The following CNTN4 variants were observed in gnomAD, a reference collection of about 807,000 sequenced individuals.
CNTN4 encodes contactin-4.
In CNTN4, 77 loss-of-function variants were observed where a neutral mutation model predicts 122.5. The observed-to-expected ratio is 0.63, with a 90% confidence interval of 0.52 to 0.76. CNTN4 has a LOEUF of 0.76. CNTN4 is among the 30% of genes least tolerant of loss of function. CNTN4 has a pLI of 0.00. For missense variants in CNTN4, 1,256 were observed against 1,259.1 expected (o/e 1.00, Z 0.04); for synonymous variants, 512 against 447.0 (o/e 1.15, Z -1.83).
At position 2,589,107 on chromosome 3, in the gene CNTN4, T is replaced by C. The variant is rs370911928; in HGVS notation, c.55+17549T>C. Among the ~76,000 whole-genome samples the C allele has an allele frequency of 3.0e-4, 46 of 152,116 alleles. 4 individuals are homozygous for C. The highest frequency in any genetic ancestry group is 1.8e-3 in the Admixed American group (28 of 15,272). ...CCATAATAGCATGCAATGAGTGACATAAAGGGGCCAGATTAACCCCTGAAC... is the reference window on the plus strand; with the variant it reads ...CCATAATAGCATGCAATGAGTGACACAAAGGGGCCAGATTAACCCCTGAAC... On this transcript the variant is annotated intron_variant, in intron 4 of 24. Transcript: ENST00000418658.
At chr3:2,192,588 A>G (rs1006433020) in intron 2 of CNTN4, among the ~76,000 whole-genome samples, 3 of 151,824 alleles carry the variant, frequency 2.0e-5, no homozygotes, top group Non-Finnish European at 4.4e-5. Context: ...ACAAATTTAC[A>G]AGAAAAAAAC....
chr3:2,715,734 T>C (rs2087453085), intron 4 of CNTN4, among the ~76,000 whole-genome samples: 1 of 152,214 alleles, frequency 6.6e-6, no homozygotes, highest in Admixed American at 6.5e-5. Flanking sequence ...AGATGCCTTT[T>C]TGCCGTGTCC....
At chr3:2,233,116 T>TA (rs5846173) in intron 2 of CNTN4, among the ~76,000 whole-genome samples, 116,836 of 151,972 alleles carry the variant, frequency 0.77, 45,034 homozygotes, top group African/African-American at 0.82. Context: ...ATTTTTAAAC[T>TA]AATGGGGGTC....
chr3:2,982,973 T>C (rs971797420), intron 13 of CNTN4, among the ~76,000 whole-genome samples: 1 of 151,718 alleles, frequency 6.6e-6, no homozygotes, highest in Non-Finnish European at 1.5e-5. Context: ...CCCAGCACTT[T>C]GGGAGGCGAG....
chr3:2,528,036 G>A (rs1041708324), intron 3 of CNTN4, among the ~76,000 whole-genome samples: 57 of 152,106 alleles, frequency 3.7e-4, no homozygotes, highest in African/African-American at 1.3e-3. Context: ...AAAACAATCA[G>A]TGTACTTTCA....
chr3:2,398,214 A>G (rs962385998), intron 3 of CNTN4, among the ~76,000 whole-genome samples: 8 of 152,282 alleles, frequency 5.3e-5, no homozygotes, highest in African/African-American at 1.7e-4. Flanking sequence ...TGCTTAAAGA[A>G]TAGGATTTAT....
chr3:2,193,992 A>G (rs1393863789), intron 2 of CNTN4, among the ~76,000 whole-genome samples: 2 of 152,130 alleles, frequency 1.3e-5, no homozygotes, highest in Non-Finnish European at 2.9e-5. Context: ...ATTTCTCAAA[A>G]CACATCCTTG....
At chr3:2,415,462 G>T (rs1351899126) in intron 3 of CNTN4, among the ~76,000 whole-genome samples, 2 of 152,140 alleles carry the variant, frequency 1.3e-5, no homozygotes, top group Non-Finnish European at 1.5e-5. Flanking sequence ...ACCAGGTGTG[G>T]GCAATTGTTG....
At chr3:2,788,125 A>G (rs73807945) in intron 6 of CNTN4, among the ~76,000 whole-genome samples, 2 of 152,312 alleles carry the variant, frequency 1.3e-5, no homozygotes, top group South Asian at 4.1e-4. Flanking sequence ...TAACAACTAT[A>G]TACCATCACA....
At chr3:2,432,975 GTTTT>G (rs1478749487) in intron 3 of CNTN4, among the ~76,000 whole-genome samples, 2 of 150,716 alleles carry the variant, frequency 1.3e-5, no homozygotes, top group African/African-American at 2.4e-5. Flanking sequence ...CAGCTCATTT[GTTTT>G]TTTGTTTGTT....
At chr3:2,879,584 C>T (rs982531953) in intron 8 of CNTN4, among the ~76,000 whole-genome samples, 7 of 152,100 alleles carry the variant, frequency 4.6e-5, no homozygotes, top group Non-Finnish European at 8.8e-5. Context: ...TGAAAGGAGC[C>T]AGGCACAAAA....
intron 3 of CNTN4, among the ~76,000 whole-genome samples, chr3:2,539,143 G>T (rs2077931988): frequency 6.6e-6 from 1 of 151,962 alleles, no homozygotes; most frequent in Non-Finnish European, 1.5e-5. Flanking sequence ...TTTTCATAAG[G>T]ATTTTCCATA....
At chr3:2,174,282 C>T (rs1415413888) in intron 2 of CNTN4, among the ~76,000 whole-genome samples, 1 of 152,160 alleles carries the variant, frequency 6.6e-6, no homozygotes, top group African/African-American at 2.4e-5. Context: ...TATAAGAAAA[C>T]TAAGCCATTT....
At chr3:2,589,682 G>A (rs2080370541) in intron 4 of CNTN4, among the ~76,000 whole-genome samples, 1 of 152,226 alleles carries the variant, frequency 6.6e-6, no homozygotes, top group Admixed American at 6.5e-5. Context: ...TTATACTCCA[G>A]TATCAGCTGG....
intron 13 of CNTN4, among the ~76,000 whole-genome samples, chr3:2,977,255 T>G (rs1008334986): frequency 6.6e-6 from 1 of 152,232 alleles, no homozygotes; most frequent in Non-Finnish European, 1.5e-5. Flanking sequence ...GGTTGCCATT[T>G]TGGTGTAGAT....
intron 3 of CNTN4, among the ~76,000 whole-genome samples, chr3:2,563,919 T>TAA (rs879515819): frequency 7.1e-6 from 1 of 141,210 alleles, no homozygotes. Context: ...ACAAGTACTA[T>TAA]AAAAAAAAAA....
intron 6 of CNTN4, among the ~76,000 whole-genome samples, chr3:2,793,820 A>G (rs1268775959): frequency 6.6e-6 from 1 of 152,206 alleles, no homozygotes; most frequent in Non-Finnish European, 1.5e-5. Context: ...ATCATGTGGA[A>G]CTTCAGATTC....
At chr3:2,977,923 G>C (rs1693579845) in intron 13 of CNTN4, among the ~76,000 whole-genome samples, 1 of 152,152 alleles carries the variant, frequency 6.6e-6, no homozygotes, top group African/African-American at 2.4e-5. Context: ...AATGTAAAGA[G>C]ACACACATCC....
intron 2 of CNTN4, among the ~76,000 whole-genome samples, chr3:2,217,133 A>G (rs2149471180): frequency 6.6e-6 from 1 of 152,268 alleles, no homozygotes; most frequent in East Asian, 1.9e-4. Context: ...AGCCTCTGAA[A>G]TTCAGTCTGC....
Sources: gnomAD v4.1 joint callset for allele counts (sites outside exome capture counted in the v4.1 genomes callset) on GRCh38, gnomAD v4.1.1 for gene constraint, MANE v1.5 for transcripts, NCBI Gene and HGNC (gene_info 2026-07-23, HGNC 2026-07-21) for gene names.